METTL16: variants seen among roughly 807,000 people sequenced by gnomAD.
The protein encoded by METTL16 is methyltransferase 16, RNA N6-adenosine, also known as RNA N(6)-adenosine-methyltransferase METTL16.
Under a neutral mutation model 57.9 loss-of-function variants are expected in METTL16, and 19 were observed. The observed-to-expected ratio is 0.33, with a 90% CI of 0.23 to 0.48. The LOEUF (loss-of-function observed/expected upper bound fraction) is 0.48, where lower values mean the gene tolerates loss of function less well. Among genes scored for constraint, METTL16 ranks in the 20% least tolerant of loss-of-function variants. The pLI is 0.99. For synonymous variants in METTL16, 246 were observed against 255.6 expected, an observed-to-expected ratio of 0.96 and a Z score of 0.36; for missense variants, 434 against 691.5, an observed-to-expected ratio of 0.63 and a Z score of 4.18.
intron 5 of METTL16, among the ~76,000 whole-genome samples, chr17:2,466,619 G>A (rs575487126): frequency 1.8e-4 from 28 of 152,242 alleles, no homozygotes; most frequent in Non-Finnish European, 4.4e-5. Context: ...AAAATCCAAG[G>A]AAGCTCAAGT....
intron 6 of METTL16, among the ~76,000 whole-genome samples, chr17:2,458,721 T>C (rs935233271): frequency 1.2e-4 from 18 of 151,614 alleles, no homozygotes; most frequent in African/African-American, 2.4e-5. Context: ...CACACACACA[T>C]ACACACACAC....
At chr17:2,461,059 T>TA (rs1450343487) in intron 6 of METTL16, among the ~76,000 whole-genome samples, 1 of 151,972 alleles carries the variant, frequency 6.6e-6, no homozygotes, top group African/African-American at 2.4e-5. Context: ...TGTGTCTAAA[T>TA]AAGTCAATCT....
At chr17:2,424,842 G>C (rs1223670417) in intron 8 of METTL16, among the ~76,000 whole-genome samples, 1 of 152,168 alleles carries the variant, frequency 6.6e-6, no homozygotes, top group Non-Finnish European at 1.5e-5. Context: ...CAGCTACTTG[G>C]GAGGCTGAGG....
chr17:2,496,926 A>G (rs1055899058), intron 2 of METTL16, among the ~76,000 whole-genome samples: 1 of 151,720 alleles, frequency 6.6e-6, no homozygotes, highest in Non-Finnish European at 1.5e-5. Context: ...CCCCCAGACT[A>G]TGAGAAATAA....
intron 6 of METTL16, among the ~76,000 whole-genome samples, chr17:2,446,469 G>A (rs1484790854): frequency 6.6e-6 from 1 of 152,184 alleles, no homozygotes; most frequent in Non-Finnish European, 1.5e-5. Flanking sequence ...CAAGGCCACA[G>A]AATGAAAGGT....
At chr17:2,506,822 A>G (rs1041225560) in intron 1 of METTL16, among the ~76,000 whole-genome samples, 1 of 142,086 alleles carries the variant, frequency 7.0e-6, no homozygotes, top group Non-Finnish European at 1.5e-5. Context: ...CCCGGCCGCC[A>G]TCCCATCTAG....
chr17:2,484,404 CT>C (rs2067327036), intron 2 of METTL16, among the ~76,000 whole-genome samples: 1 of 152,098 alleles, frequency 6.6e-6, no homozygotes, highest in African/African-American at 2.4e-5. Context: ...AACAAATAGT[CT>C]GTGGTTAAGC....
intron 1 of METTL16, among the ~76,000 whole-genome samples, chr17:2,507,370 G>A (rs2067550769): frequency 6.7e-6 from 1 of 149,100 alleles, no homozygotes. Flanking sequence ...CGTCCGGGAG[G>A]GAGGTGGGGG....
intron 4 of METTL16, among the ~76,000 whole-genome samples, chr17:2,470,399 T>C (rs183168501): frequency 1.3e-5 from 2 of 152,258 alleles, no homozygotes; most frequent in East Asian, 1.9e-4. Context: ...AGGCAGAGCA[T>C]TGCCTTGTTG....
chr17:2,463,568 T>G (rs1293950915), intron 6 of METTL16, among the ~76,000 whole-genome samples: 1 of 151,930 alleles, frequency 6.6e-6, no homozygotes, highest in African/African-American at 2.4e-5. Flanking sequence ...TTCAAGCGAT[T>G]CTCCTGCGTC....
chr17:2,507,989 C>T (rs964095908), intron 1 of METTL16, among the ~76,000 whole-genome samples: 14 of 152,136 alleles, frequency 9.2e-5, no homozygotes, highest in African/African-American at 2.9e-4. Flanking sequence ...ACAAACACTG[C>T]GGAAGGCCGC....
Position 2,481,523 on chromosome 17 carries a change from G to A in METTL16, c.129-3638C>T, listed in dbSNP as rs564801003. Reference sequence around the variant, plus strand: ...AATTCAGGAAGGAGAGAGTGGCCATGGTTGTACACGTGTCAATATACTAAA... The same window carrying A: ...AATTCAGGAAGGAGAGAGTGGCCATAGTTGTACACGTGTCAATATACTAAA... On this transcript the variant is annotated intron_variant, in intron 2 of 9. Transcript: ENST00000263092. 5.9e-5 allele frequency among the ~76,000 whole-genome samples: 9 copies of A among 152,226 alleles called. No homozygotes were observed. The East Asian group carries it at 1.2e-3, about 20-fold the overall frequency.
At chr17:2,430,779 A>T (rs192291034) in intron 8 of METTL16, among the ~76,000 whole-genome samples, 3 of 151,998 alleles carry the variant, frequency 2.0e-5, no homozygotes, top group Non-Finnish European at 4.4e-5. Flanking sequence ...CACATCTGTT[A>T]TAAACGTTAA....
rs560341370 is a variant in METTL16, at chr17:2,507,695, G to A, written c.-1+4064C>T. Among the ~76,000 whole-genome samples, 10 of 152,378 alleles carry A rather than the reference G, an allele frequency of 6.6e-5. No individual in the cohort carries two copies. In the South Asian group the frequency reaches 1.9e-3, roughly 28 times the overall value. ...TTTGTGGAATAGAAAAGGGGGAAAGGTGGGGAAAAGATTGAGAAATCGGAT... is the reference window on the plus strand; with the variant it reads ...TTTGTGGAATAGAAAAGGGGGAAAGATGGGGAAAAGATTGAGAAATCGGAT... On this transcript the variant is annotated intron_variant, in intron 1 of 9. Transcript: ENST00000263092.
intron 6 of METTL16, among the ~76,000 whole-genome samples, chr17:2,451,860 T>C (rs2067072851): frequency 1.3e-5 from 2 of 151,912 alleles, no homozygotes; most frequent in Admixed American, 1.3e-4. Flanking sequence ...CAAAAAAAGA[T>C]ACTGGCTTGG....
chr17:2,432,345 A>C (rs950750130), intron 8 of METTL16, among the ~76,000 whole-genome samples: 1 of 152,138 alleles, frequency 6.6e-6, no homozygotes, highest in African/African-American at 2.4e-5. Flanking sequence ...AGGAAGGTGG[A>C]TCACTTGAGC....
At chr17:2,449,120 T>C (rs1425235323) in intron 6 of METTL16, among the ~76,000 whole-genome samples, 1 of 152,062 alleles carries the variant, frequency 6.6e-6, no homozygotes, top group Non-Finnish European at 1.5e-5. Flanking sequence ...TAAAATGCCA[T>C]TTACGGTAGC....
intron 1 of METTL16, among the ~76,000 whole-genome samples, chr17:2,508,020 A>C (rs2067560201): frequency 6.6e-6 from 1 of 151,864 alleles, no homozygotes; most frequent in Non-Finnish European, 1.5e-5. Flanking sequence ...GCCTAGGAAA[A>C]CCAGAGACCT....
At chr17:2,490,158 A>T (rs1172527165) in intron 2 of METTL16, among the ~76,000 whole-genome samples, 1 of 152,198 alleles carries the variant, frequency 6.6e-6, no homozygotes, top group Admixed American at 6.5e-5. Flanking sequence ...ATATGCACGC[A>T]GGTGGGTAGA....
Sources: allele counts gnomAD v4.1 joint callset (sites outside exome capture counted in the v4.1 genomes callset), GRCh38; gene constraint gnomAD v4.1.1; transcripts MANE v1.5; gene names NCBI Gene and HGNC (gene_info 2026-07-23, HGNC 2026-07-21).